LNX1: variants seen among roughly 807,000 people sequenced by gnomAD.
LNX1 encodes the protein E3 ubiquitin-protein ligase LNX.
LNX1 carries 54 observed loss-of-function variants against 68.4 expected under a neutral mutation model. The observed-to-expected ratio is 0.79, with a 90% CI of 0.63 to 0.99. The LOEUF (loss-of-function observed/expected upper bound fraction) is 0.99. LNX1 is among the 50% of genes least tolerant of loss of function. LNX1 has a pLI of 0.00. For synonymous variants in LNX1, 336 were observed against 350.0 expected, an observed-to-expected ratio of 0.96 and a Z score of 0.45; for missense variants, 906 against 926.4, an observed-to-expected ratio of 0.98 and a Z score of 0.29.
chr4:53,533,220 G>A (rs1416746992), intron 2 of LNX1, among the ~76,000 whole-genome samples: 1 of 152,208 alleles, frequency 6.6e-6, no homozygotes, highest in Non-Finnish European at 1.5e-5. Flanking sequence ...AGGGGCTGAG[G>A]CACACGGAGA....
chr4:53,632,353 A>G (rs1734310892), intron 1 of LNX1, among the ~76,000 whole-genome samples: 1 of 152,196 alleles, frequency 6.6e-6, no homozygotes, highest in Non-Finnish European at 1.5e-5. Flanking sequence ...CCCATCTCCT[A>G]GCTTCTGAGA....
At chr4:53,630,048 A>G (rs550117377) in intron 1 of LNX1, among the ~76,000 whole-genome samples, 1 of 152,026 alleles carries the variant, frequency 6.6e-6, no homozygotes, top group African/African-American at 2.4e-5. Flanking sequence ...CATGTTGAAA[A>G]CATGAGTATT....
chr4:53,612,896 A>C (rs1733549202), intron 2 of LNX1, among the ~76,000 whole-genome samples: 1 of 151,876 alleles, frequency 6.6e-6, no homozygotes, highest in South Asian at 2.1e-4. Flanking sequence ...AAAAAATAAA[A>C]AAGAAGAAAT....
chr4:53,524,413 G>A (rs922862107), intron 2 of LNX1: 23 of 152,100 alleles, frequency 1.5e-4, no homozygotes, highest in African/African-American at 5.6e-4. Flanking sequence ...TTTAATACTC[G>A]CCTCCAAATC....
intron 2 of LNX1, among the ~76,000 whole-genome samples, chr4:53,616,166 G>A (rs1420128433): frequency 6.6e-6 from 1 of 151,936 alleles, no homozygotes; most frequent in East Asian, 1.9e-4. Flanking sequence ...CGTTTCTGTG[G>A]GCTTGGATAT....
upstream of LNX1, among the ~76,000 whole-genome samples, chr4:53,621,854 T>G (rs1733891693): frequency 6.6e-6 from 1 of 152,114 alleles, no homozygotes; most frequent in South Asian, 2.1e-4. Flanking sequence ...GTAAATTGCT[T>G]TGGACCTTTC....
chr4:53,464,706 C>G (rs1332780268), intron 9 of LNX1, among the ~76,000 whole-genome samples: 1 of 152,090 alleles, frequency 6.6e-6, no homozygotes, highest in Non-Finnish European at 1.5e-5. Flanking sequence ...GATAACTAAA[C>G]CATTTTCTAC....
chr4:53,492,713 T>C (rs1438883503), intron 6 of LNX1, among the ~76,000 whole-genome samples: 1 of 152,070 alleles, frequency 6.6e-6, no homozygotes, highest in East Asian at 1.9e-4. Flanking sequence ...TGAGTCAAAG[T>C]TCTTTTTGGT....
At chr4:53,618,627 C>T (rs923531293), upstream of LNX1, among the ~76,000 whole-genome samples, 1 of 152,148 alleles carries the variant, frequency 6.6e-6, no homozygotes, top group African/African-American at 2.4e-5. Flanking sequence ...TTTACAAAGA[C>T]ACTCACCCTG....
chr4:53,527,807 T>C (rs1241472406), intron 2 of LNX1, among the ~76,000 whole-genome samples: 1 of 152,148 alleles, frequency 6.6e-6, no homozygotes, highest in African/African-American at 2.4e-5. Context: ...GTGAGGACAA[T>C]GACTTTATGA....
chr4:53,460,716 A>G lies in LNX1; in HGVS notation c.*191T>C, dbSNP rs1452229728. 12 of 550,076 alleles carry G rather than the reference A, an allele frequency of 2.2e-5. No individual in the cohort carries two copies. Among genetic ancestry groups the G allele is most frequent in the Non-Finnish European group, 3.4e-5 (11 of 322,540 alleles). The allele number at this position is 550,076 out of a possible 1,614,324, so 34.1% of individuals were successfully genotyped here. ...GAGAAATCCTCCACACTGAAAAAAAACTAGTAGTTTTAATTTTTTTGGAAT... is the reference window on the plus strand; with the variant it reads ...GAGAAATCCTCCACACTGAAAAAAAGCTAGTAGTTTTAATTTTTTTGGAAT... On this transcript the variant is annotated 3_prime_UTR_variant, in exon 11 of 11. Coordinates refer to ENST00000263925, the MANE Select transcript of LNX1 (RefSeq NM_001126328.3).
At chr4:53,628,030 T>A (rs867073628) in intron 1 of LNX1, among the ~76,000 whole-genome samples, 2 of 152,204 alleles carry the variant, frequency 1.3e-5, no homozygotes, top group African/African-American at 4.8e-5. Context: ...ACACTCCAAC[T>A]TGAAGGCATT....
At chr4:53,514,149 C>T (rs1340591595) in intron 2 of LNX1, among the ~76,000 whole-genome samples, 1 of 152,174 alleles carries the variant, frequency 6.6e-6, no homozygotes, top group Non-Finnish European at 1.5e-5. Context: ...CACATCCTAC[C>T]CCTGCTTATT....
At chr4:53,536,444 C>G (rs1220027145) in intron 2 of LNX1, among the ~76,000 whole-genome samples, 3 of 152,130 alleles carry the variant, frequency 2.0e-5, no homozygotes, top group Non-Finnish European at 4.4e-5. Flanking sequence ...GGAATGGTGC[C>G]TAGATCACCA....
chr4:53,621,443 A>G (rs1181996260), upstream of LNX1, among the ~76,000 whole-genome samples: 3 of 152,186 alleles, frequency 2.0e-5, no homozygotes, highest in Non-Finnish European at 4.4e-5. Context: ...TGCAGGATTC[A>G]AAACCTACTT....
At chr4:53,652,256 C>T (rs549167532) in exon 1 of LNX1, 3 of 152,274 alleles carry the variant, frequency 2.0e-5, no homozygotes, top group Non-Finnish European at 2.9e-5. Flanking sequence ...TTAGCAGTAG[C>T]TCGGAAAATT....
At chr4:53,637,135 CA>C (rs959765278) in intron 1 of LNX1, among the ~76,000 whole-genome samples, 3 of 151,566 alleles carry the variant, frequency 2.0e-5, no homozygotes, top group Admixed American at 6.6e-5. Flanking sequence ...TTTGCACTGG[CA>C]AAAAAAATCT....
At chr4:53,568,823 A>C (rs1360178062) in intron 2 of LNX1, among the ~76,000 whole-genome samples, 1 of 152,196 alleles carries the variant, frequency 6.6e-6, no homozygotes, top group Non-Finnish European at 1.5e-5. Flanking sequence ...GTCTCAGGAC[A>C]CAAAATCAAT....
chr4:53,605,214 T>C (rs1359532278), intron 2 of LNX1, among the ~76,000 whole-genome samples: 2 of 152,178 alleles, frequency 1.3e-5, no homozygotes, highest in Non-Finnish European at 2.9e-5. Context: ...GGAATGGGAA[T>C]TGTGTTGTAT....
Sources: gnomAD v4.1 joint callset for allele counts (sites outside exome capture counted in the v4.1 genomes callset) on GRCh38, gnomAD v4.1.1 for gene constraint, MANE v1.5 for transcripts, NCBI Gene and HGNC (gene_info 2026-07-23, HGNC 2026-07-21) for gene names.